Variants in PLEKHA6 observed in about 807,000 individuals in gnomAD.
The protein encoded by PLEKHA6 is pleckstrin homology domain-containing family A member 6.
Under a neutral mutation model 116.7 loss-of-function variants are expected in PLEKHA6, and 60 were observed. The observed-to-expected ratio is 0.51, with a 90% CI of 0.42 to 0.64. The LOEUF (loss-of-function observed/expected upper bound fraction) is 0.64, where lower values mean the gene tolerates loss of function less well. PLEKHA6 is among the 30% of genes least tolerant of loss of function. The pLI is 0.00. For synonymous variants in PLEKHA6, 489 were observed against 556.1 expected, an observed-to-expected ratio of 0.88 and a Z score of 1.70; for missense variants, 1,338 against 1,422.7, an observed-to-expected ratio of 0.94 and a Z score of 0.96.
chr1:204,261,521 G>GA lies in PLEKHA6; in HGVS notation c.382-74dup, dbSNP rs1290529108. 1 of 1,483,772 alleles carries GA rather than the reference G, an allele frequency of 6.7e-7. No homozygotes were observed. Among genetic ancestry groups the GA allele is most frequent in the Non-Finnish European group, 9.1e-7 (1 of 1,101,134 alleles). 91.9% of individuals were successfully genotyped at this position (1,483,772 alleles called of 1,614,324 possible). ...AGCACACAGTCACCTGTTGGGAGAA[G>GA]ACACCAACGCCCACAGAATGGGCAG... On this transcript the variant is annotated intron_variant, in intron 6 of 22. Coordinates refer to ENST00000272203, the MANE Select transcript of PLEKHA6 (RefSeq NM_014935.5). This position sits in a 1 kb window ranked among gnomAD's most constrained non-coding sequence, Gnocchi z 4.0.
intron 1 of PLEKHA6, among the ~76,000 whole-genome samples, chr1:204,278,284 A>G (rs541972766): frequency 1.3e-5 from 2 of 152,340 alleles, no homozygotes; most frequent in South Asian, 4.1e-4. Context: ...GAGTTCTAGC[A>G]AAGGAGGCTC....
At chr1:204,244,776 A>T (rs1262094235) in intron 15 of PLEKHA6, 88 bp downstream of exon 15, 2 of 1,023,570 alleles carry the variant, frequency 2.0e-6, no homozygotes, top group Non-Finnish European at 2.7e-6. Context: ...TGTGGGGAAG[A>T]GATGGGCACA....
At chr1:204,362,048 A>T (rs1291520204), upstream of PLEKHA6, among the ~76,000 whole-genome samples, 1 of 152,086 alleles carries the variant, frequency 6.6e-6, no homozygotes, top group African/African-American at 2.4e-5. Flanking sequence ...CAGACATGTG[A>T]ATGTTTCTGG....
rs1345743715 is a variant in PLEKHA6 at position 204,277,442 on chromosome 1, A to G, written c.-94-2633T>C. Among the ~76,000 whole-genome samples the G allele has an allele frequency of 6.6e-6, 1 of 152,182 alleles. No homozygotes were observed. The highest frequency in any genetic ancestry group is 1.5e-5 in the Non-Finnish European group (1 of 68,012). ...CAGGTAGTCCGACCTCAGTGAGCTA[A>G]GGACGCAGAGTAGCTGGACGGGTGA... On this transcript the variant is annotated intron_variant, in intron 1 of 22. Coordinates refer to ENST00000272203, the MANE Select transcript of PLEKHA6 (RefSeq NM_014935.5). This position sits in a 1 kb window ranked among gnomAD's most constrained non-coding sequence, Gnocchi z 4.1.
At chr1:204,231,131 G>A (rs974913587) in intron 17 of PLEKHA6, among the ~76,000 whole-genome samples, 1 of 152,180 alleles carries the variant, frequency 6.6e-6, no homozygotes, top group Non-Finnish European at 1.5e-5. Context: ...CTGGGAAGGG[G>A]TTGCTGCTAT....
chr1:204,263,855 G>A (rs1421766590), intron 6 of PLEKHA6, among the ~76,000 whole-genome samples: 1 of 152,044 alleles, frequency 6.6e-6, no homozygotes, highest in Non-Finnish European at 1.5e-5. Context: ...TTTATTAATT[G>A]TTCATTCTCT....
intron 1 of PLEKHA6, among the ~76,000 whole-genome samples, chr1:204,352,244 C>G (rs2103367001): frequency 6.7e-6 from 1 of 150,242 alleles, no homozygotes; most frequent in African/African-American, 2.5e-5. Flanking sequence ...CATGGTGGCG[C>G]ATGCCTTGTA....
chr1:204,374,293 G>A (rs571342641), intron 1 of PLEKHA6, among the ~76,000 whole-genome samples: 2 of 152,302 alleles, frequency 1.3e-5, no homozygotes, highest in South Asian at 2.1e-4. Context: ...TGAGCCCTGA[G>A]TGCCACCTAG....
intron 3 of PLEKHA6, among the ~76,000 whole-genome samples, 196 bp downstream of exon 3, chr1:204,273,430 T>A (rs1195943731): frequency 6.6e-6 from 1 of 152,214 alleles, no homozygotes; most frequent in Admixed American, 6.5e-5. Context: ...GGTCTAGATG[T>A]TGGTCTTCTA....
At chr1:204,341,074 G>C (rs1168366434) in intron 1 of PLEKHA6, among the ~76,000 whole-genome samples, 3 of 152,198 alleles carry the variant, frequency 2.0e-5, no homozygotes, top group Non-Finnish European at 4.4e-5. Flanking sequence ...CTACCAGCCA[G>C]CTAGGCCCCC....
chr1:204,345,007 C>A (rs549671969), intron 1 of PLEKHA6, among the ~76,000 whole-genome samples: 63 of 152,304 alleles, frequency 4.1e-4, no homozygotes, highest in East Asian at 7.7e-4. Context: ...AGCGACTTAC[C>A]GAGCACCAAC....
At chr1:204,374,754 C>T (rs571346958) in intron 1 of PLEKHA6, among the ~76,000 whole-genome samples, 1 of 152,248 alleles carries the variant, frequency 6.6e-6, no homozygotes, top group African/African-American at 2.4e-5. Context: ...AATGCCATGT[C>T]CCCTGGCAGC....
chr1:204,324,191 C>T (rs1236101250), intron 1 of PLEKHA6, among the ~76,000 whole-genome samples: 1 of 152,072 alleles, frequency 6.6e-6, no homozygotes, highest in African/African-American at 2.4e-5. Context: ...GGGTCCACAT[C>T]CCAGAATCTG....
rs528020402 is a variant in PLEKHA6 at position 204,238,120 on chromosome 1, T to C, written c.2409+3255A>G. On this transcript the variant is annotated intron_variant, in intron 17 of 22. Transcript: ENST00000272203. The surrounding 1 kb of genome is among the most constrained non-coding windows in gnomAD (Gnocchi z 4.2). ...GAAGCAACATATTCCTCATTTGGTG[T>C]GTTGCTCTGGCCCATTTATCAAGTG... Among the ~76,000 whole-genome samples, 1 of 152,318 alleles carries C rather than the reference T, an allele frequency of 6.6e-6. No homozygotes were observed. Among genetic ancestry groups the C allele is most frequent in the East Asian group, 1.9e-4 (1 of 5,184 alleles).
chr1:204,251,681 G>A (rs552775508), intron 9 of PLEKHA6: 1 of 672,980 alleles, frequency 1.5e-6, no homozygotes, highest in South Asian at 1.6e-5. Flanking sequence ...TCACCCACCT[G>A]TGCTTGTTTC....
At chr1:204,369,994 C>T (rs1299990427) in intron 2 of PLEKHA6, among the ~76,000 whole-genome samples, 3 of 152,214 alleles carry the variant, frequency 2.0e-5, no homozygotes, top group African/African-American at 7.2e-5. Flanking sequence ...GTTCATAATC[C>T]TCTCCCCATT....
At chr1:204,235,373 T>C (rs1187009601) in intron 17 of PLEKHA6, among the ~76,000 whole-genome samples, 2 of 152,170 alleles carry the variant, frequency 1.3e-5, no homozygotes, top group Non-Finnish European at 2.9e-5. Flanking sequence ...AGGAACATAA[T>C]GAAGCTGGTT....
chr1:204,363,353 G>A (rs1374451949), upstream of PLEKHA6, among the ~76,000 whole-genome samples: 1 of 152,248 alleles, frequency 6.6e-6, no homozygotes, highest in African/African-American at 2.4e-5. Flanking sequence ...CAGGGCCGTG[G>A]GTGGACTGCC....
chr1:204,329,549 G>T (rs1427910428), intron 1 of PLEKHA6, among the ~76,000 whole-genome samples: 2 of 152,234 alleles, frequency 1.3e-5, no homozygotes, highest in South Asian at 4.1e-4. Flanking sequence ...CACAAAAAAA[G>T]AGACAACCAG....
Sources: allele counts gnomAD v4.1 joint callset (sites outside exome capture counted in the v4.1 genomes callset), GRCh38; gene constraint gnomAD v4.1.1; non-coding constraint Gnocchi (gnomAD v3.1); transcripts MANE v1.5; gene names NCBI Gene and HGNC (gene_info 2026-07-23, HGNC 2026-07-21).